CENPE: variants seen among roughly 807,000 people sequenced by gnomAD.
CENPE encodes centromere protein E, also known as centromere-associated protein E.
CENPE carries 145 observed loss-of-function variants against 336.1 expected under a neutral mutation model. That is an observed-to-expected ratio of 0.43 (90% CI 0.38 to 0.50). The LOEUF (loss-of-function observed/expected upper bound fraction) is 0.50. Ranked by LOEUF, CENPE falls within the 20% of genes least tolerant of loss-of-function variation. The pLI is 0.00. For synonymous variants in CENPE, 1,013 were observed against 984.8 expected (o/e 1.03, Z -0.54); for missense variants, 2,719 against 3,023.3 (o/e 0.90, Z 2.36).
In CENPE at chr4:103,183,255, C is replaced by A. The variant is rs774385555; in HGVS notation, c.779G>T (p.Arg260Leu). The A allele has an allele frequency of 6.2e-7, 1 of 1,612,966 alleles. No individual in the cohort carries two copies. The highest frequency in any genetic ancestry group is 8.5e-7 in the Non-Finnish European group (1 of 1,179,434). The change falls in exon 10 of 49, where the codon CGA (arginine) becomes CTA (leucine). Residue 260 changes from arginine to leucine, a missense_variant. By Grantham distance (102) the Arg-to-Leu change is moderately radical (BLOSUM62 -2). Around this residue, in one of 5 missense-constraint regions of CENPE, gnomAD observed 117 missense variants for 215.8 expected, o/e 0.54. Coordinates refer to ENST00000265148, the MANE Select transcript of CENPE (RefSeq NM_001813.3). The stretch of plus-strand genomic sequence containing the variant: ...CACTTGTCCCAAAATAAATAAGCTT[C>A]GATTTATATTACAGCCTTCCTTGAG... ...VRLKEGCNIN[R>L]SLFILGQVIK...
At chr4:103,125,607 G>A (rs765472081) in intron 42 of CENPE, among the ~76,000 whole-genome samples, 2 of 152,062 alleles carry the variant, frequency 1.3e-5, no homozygotes, top group Non-Finnish European at 2.9e-5. Context: ...GCTCACACCT[G>A]TAATCCCAGC....
At chr4:103,113,317 T>TG (rs1472843988) in intron 46 of CENPE, among the ~76,000 whole-genome samples, 2 of 143,152 alleles carry the variant, frequency 1.4e-5, no homozygotes, top group Non-Finnish European at 1.5e-5. Context: ...TTTATTCTCC[T>TG]GTAAAAAAGT....
In CENPE at chr4:103,119,998, G is replaced by A. The variant is rs886721909; in HGVS notation, c.7329+150C>T. ...CTCCTACATTTCACTTCTAAGTTAAGCTGCTTCTGCTTGAGTACTGAACTT... is the reference window on the plus strand; with the variant it reads ...CTCCTACATTTCACTTCTAAGTTAAACTGCTTCTGCTTGAGTACTGAACTT... On this transcript the variant is annotated intron_variant, in intron 44 of 48. Transcript: ENST00000265148. 11 of 526,998 alleles carry A rather than the reference G, an allele frequency of 2.1e-5. No individual in the cohort carries two copies. The East Asian group carries it at 3.6e-4, about 17-fold the overall frequency. 32.6% of individuals were successfully genotyped at this position (526,998 alleles called of 1,614,324 possible).
chr4:103,124,302 T>G (rs2720454), intron 42 of CENPE, among the ~76,000 whole-genome samples: 1 of 152,180 alleles, frequency 6.6e-6, no homozygotes. Flanking sequence ...TCTTTGTAGT[T>G]TGCATCAGTT....
intron 8 of CENPE, among the ~76,000 whole-genome samples, chr4:103,191,637 G>A (rs148835711): frequency 1.3e-4 from 19 of 145,368 alleles, no homozygotes; most frequent in South Asian, 2.3e-4. Flanking sequence ...ATCACACACC[G>A]GGGCCTGTTG....
intron 24 of CENPE, among the ~76,000 whole-genome samples, chr4:103,154,608 A>AT (rs1753822173): frequency 6.6e-6 from 1 of 152,196 alleles, no homozygotes. Flanking sequence ...TCAGAATCTC[A>AT]TATCTTTCAA....
chr4:103,153,003 T>C (rs1371945235), intron 25 of CENPE, 44 bp downstream of exon 25: 16 of 1,375,408 alleles, frequency 1.2e-5, no homozygotes, highest in East Asian at 2.3e-5. Context: ...CTGAAACAAA[T>C]GAAGACAAAA....
intron 5 of CENPE, 48 bp downstream of exon 5, chr4:103,195,066 T>C: frequency 1.3e-6 from 2 of 1,483,748 alleles, no homozygotes; most frequent in Non-Finnish European, 1.8e-6. Context: ...AGAACAATAA[T>C]CTCAATAAGT....
chr4:103,182,950 G>A (rs1272409750), intron 10 of CENPE, 59 bp from the exon 11 acceptor site: 1 of 1,536,894 alleles, frequency 6.5e-7, no homozygotes, highest in Non-Finnish European at 8.8e-7. Flanking sequence ...TAATAAAGTA[G>A]TTGGTTTTTA....
At chr4:103,107,863 A>G (rs1183930519) in intron 48 of CENPE, among the ~76,000 whole-genome samples, 3 of 152,222 alleles carry the variant, frequency 2.0e-5, no homozygotes, top group African/African-American at 7.2e-5. Flanking sequence ...TTCAAAATGT[A>G]TAACTCATGT....
At chr4:103,111,572 T>C (rs543906418) in intron 46 of CENPE, among the ~76,000 whole-genome samples, 117 of 152,354 alleles carry the variant, frequency 7.7e-4, no homozygotes, top group Non-Finnish European at 1.5e-3. Flanking sequence ...AGTTATGAAG[T>C]GGATTAATCC....
At chr4:103,148,141 C>A (rs1202259031) in intron 28 of CENPE, among the ~76,000 whole-genome samples, 5 of 152,206 alleles carry the variant, frequency 3.3e-5, no homozygotes, top group Non-Finnish European at 7.3e-5. Context: ...CATGACTTTT[C>A]TGGGTCACAT....
chr4:103,121,965 T>C (rs1289105223), intron 43 of CENPE, among the ~76,000 whole-genome samples: 1 of 152,236 alleles, frequency 6.6e-6, no homozygotes, highest in Non-Finnish European at 1.5e-5. Flanking sequence ...TCTGTTCCAC[T>C]GCTCTACTTG....
chr4:103,185,410 T>C (rs1756683939), intron 9 of CENPE, among the ~76,000 whole-genome samples: 1 of 152,040 alleles, frequency 6.6e-6, no homozygotes, highest in Non-Finnish European at 1.5e-5. Context: ...ATGGAGTCTT[T>C]TTGTCTACTA....
At chr4:103,133,987 C>T in intron 40 of CENPE, 95 bp from the exon 41 acceptor site, 1 of 754,744 alleles carries the variant, frequency 1.3e-6, no homozygotes, top group Non-Finnish European at 2.2e-6. Flanking sequence ...GATGACATCT[C>T]TTATTTACCT....
At chr4:103,158,505 A>T in intron 23 of CENPE, 47 bp from the exon 24 acceptor site, 2 of 1,513,756 alleles carry the variant, frequency 1.3e-6, no homozygotes, top group Non-Finnish European at 1.8e-6. Flanking sequence ...ATATGAAACA[A>T]AATTATTTTG....
At chr4:103,192,177 T>C (rs1757412882) in intron 8 of CENPE, among the ~76,000 whole-genome samples, 1 of 152,122 alleles carries the variant, frequency 6.6e-6, no homozygotes, top group South Asian at 2.1e-4. Flanking sequence ...TTTTTGAGAC[T>C]AGGCAGGTAA....
rs146277781 is a variant in CENPE, at chr4:103,143,391, C to G, written c.5161G>C (p.Glu1721Gln). The G allele has an allele frequency of 6.9e-6, 11 of 1,598,368 alleles. No individual in the cohort carries two copies. The African/African-American group carries it at 1.5e-4, about 21-fold the overall frequency. The change falls in exon 34 of 49, where the codon GAG becomes CAG. Residue 1721 changes from glutamate to glutamine, a missense_variant. Around this residue, in one of 5 missense-constraint regions of CENPE, gnomAD observed 2,437 missense variants for 2,513.3 expected, o/e 0.97. Transcript: ENST00000265148. ...ETITRDLEKQ[E>Q]ELKIVHMHLK... ...TGCATGTGAACAATTTTTAGCTCCTCTTGTTTTTCTAGGTCCTTTATCAAT... is the reference window on the plus strand; with the variant it reads ...TGCATGTGAACAATTTTTAGCTCCTGTTGTTTTTCTAGGTCCTTTATCAAT...
intron 34 of CENPE, among the ~76,000 whole-genome samples, chr4:103,142,133 C>T (rs1036452371): frequency 2.0e-5 from 3 of 152,046 alleles, no homozygotes; most frequent in African/African-American, 4.8e-5. Context: ...TTAAGTGTTG[C>T]ATAGTATTTC....
Sources: allele counts gnomAD v4.1 joint callset (sites outside exome capture counted in the v4.1 genomes callset), GRCh38; gene constraint gnomAD v4.1.1; regional missense constraint gnomAD v4.1.1; transcripts MANE v1.5; gene names NCBI Gene and HGNC (gene_info 2026-07-23, HGNC 2026-07-21).